INPP4B: variants seen among roughly 807,000 people sequenced by gnomAD.
INPP4B encodes inositol polyphosphate 4-phosphatase type II.
In INPP4B, 55 loss-of-function variants were observed where a neutral mutation model predicts 122.5. The observed-to-expected ratio is 0.45, with a 90% CI of 0.36 to 0.56. The LOEUF (loss-of-function observed/expected upper bound fraction) is 0.56. Among genes scored for constraint, INPP4B ranks in the 20% least tolerant of loss-of-function variants. INPP4B has a pLI of 0.00. For missense variants in INPP4B, 1,000 were observed against 1,097.7 expected (o/e 0.91, Z 1.26); for synonymous variants, 403 against 388.7 (o/e 1.04, Z -0.43).
At chr4:142,365,756 T>C (rs779666205) in intron 7 of INPP4B, among the ~76,000 whole-genome samples, 1 of 135,282 alleles carries the variant, frequency 7.4e-6, no homozygotes, top group Non-Finnish European at 1.6e-5. Context: ...TTAACAAATA[T>C]TAAATTTTTA....
intron 25 of INPP4B, among the ~76,000 whole-genome samples, chr4:142,051,734 C>T (rs984335156): frequency 4.6e-5 from 7 of 151,934 alleles, no homozygotes; most frequent in Middle Eastern, 3.2e-3. Flanking sequence ...ATCCACATAC[C>T]ACAATCGTGA....
intron 25 of INPP4B, among the ~76,000 whole-genome samples, chr4:142,077,322 A>G (rs183607864): frequency 1.5e-3 from 229 of 152,102 alleles, no homozygotes; most frequent in African/African-American, 5.2e-3. Context: ...ATAGTATAAA[A>G]CAAAAGACAA....
intron 5 of INPP4B, among the ~76,000 whole-genome samples, chr4:142,421,358 C>T (rs531771492): frequency 6.6e-6 from 1 of 152,098 alleles, no homozygotes; most frequent in Non-Finnish European, 1.5e-5. Context: ...ATTAGAGGCA[C>T]AGCCTGCCTA....
At chr4:142,552,267 G>A (rs1387591218) in intron 2 of INPP4B, among the ~76,000 whole-genome samples, 2 of 152,160 alleles carry the variant, frequency 1.3e-5, no homozygotes, top group African/African-American at 4.8e-5. Flanking sequence ...CTGAAGGGAA[G>A]ATTCTGATTA....
At position 142,314,755 on chromosome 4, in the gene INPP4B, G is replaced by T; in HGVS notation, c.380C>A (p.Thr127Asn). The T allele has an allele frequency of 6.3e-7, 1 of 1,595,748 alleles. No homozygotes were observed. The highest frequency in any genetic ancestry group is 8.5e-7 in the Non-Finnish European group (1 of 1,173,078). The change falls in exon 8 of 26, where the codon ACC (threonine) becomes AAC (asparagine). Residue 127 changes from threonine (T) to asparagine (N), a missense_variant. Transcript: ENST00000262992. ...VKDKSHDTVR[T>N]SVLPEHKDPP... ...ATCCTTATGTTCTGGTAGGACACTG[G>T]TTCGAACCTGTGGAGAAAAACATTT...
intron 2 of INPP4B, among the ~76,000 whole-genome samples, chr4:142,719,721 T>G (rs2150831640): frequency 6.6e-6 from 1 of 152,270 alleles, no homozygotes; most frequent in South Asian, 2.1e-4. Context: ...AAAATATCAT[T>G]TTTTCTTATT....
chr4:142,201,197 C>A (rs1424002691), intron 14 of INPP4B, among the ~76,000 whole-genome samples: 3 of 152,010 alleles, frequency 2.0e-5, no homozygotes, highest in Admixed American at 2.0e-4. Flanking sequence ...GAATGTTATT[C>A]TCAGAACTGA....
intron 7 of INPP4B, among the ~76,000 whole-genome samples, chr4:142,368,203 C>T (rs1788309748): frequency 6.6e-6 from 1 of 152,072 alleles, no homozygotes; most frequent in Admixed American, 6.6e-5. Context: ...TCAAACTAAC[C>T]TAGTAAAATA....
At chr4:142,781,269 G>C (rs1036601460) in intron 1 of INPP4B, among the ~76,000 whole-genome samples, 2 of 151,982 alleles carry the variant, frequency 1.3e-5, no homozygotes, top group East Asian at 3.9e-4. Context: ...ATCATAAGGG[G>C]ACTTGCACTC....
intron 2 of INPP4B, among the ~76,000 whole-genome samples, chr4:142,650,574 G>C (rs535922154): frequency 1.3e-5 from 2 of 150,514 alleles, no homozygotes; most frequent in East Asian, 3.9e-4. Context: ...TGCAATCCTA[G>C]TCTCTGATGA....
intron 2 of INPP4B, among the ~76,000 whole-genome samples, chr4:142,700,435 A>C (rs1282242252): frequency 6.6e-6 from 1 of 152,152 alleles, no homozygotes; most frequent in East Asian, 1.9e-4. Flanking sequence ...TATTCCTTCA[A>C]CTCAATCTAT....
At chr4:142,202,532 A>T (rs1841084955) in intron 14 of INPP4B, among the ~76,000 whole-genome samples, 1 of 152,064 alleles carries the variant, frequency 6.6e-6, no homozygotes, top group Non-Finnish European at 1.5e-5. Context: ...CACATTCTTG[A>T]GATACAGAAA....
chr4:142,149,349 C>A (rs990462684), intron 17 of INPP4B, among the ~76,000 whole-genome samples: 3 of 152,084 alleles, frequency 2.0e-5, no homozygotes, highest in Admixed American at 2.0e-4. Context: ...ATTTAATGTT[C>A]AAAAGCCACC....
At chr4:142,563,042 G>A (rs968761705) in intron 2 of INPP4B, among the ~76,000 whole-genome samples, 2 of 152,200 alleles carry the variant, frequency 1.3e-5, no homozygotes, top group Non-Finnish European at 2.9e-5. Context: ...AGATGGCTGT[G>A]CCTTTAAAGA....
At chr4:142,057,441 A>G (rs146673362) in intron 25 of INPP4B, among the ~76,000 whole-genome samples, 11 of 152,164 alleles carry the variant, frequency 7.2e-5, no homozygotes, top group African/African-American at 2.4e-4. Context: ...ATGTTCATTT[A>G]TGATTAAAAA....
chr4:142,610,066 C>T (rs1580494359), intron 2 of INPP4B, among the ~76,000 whole-genome samples: 1 of 152,094 alleles, frequency 6.6e-6, no homozygotes, highest in African/African-American at 2.4e-5. Context: ...GCTGTGTCCC[C>T]ACCCAAATCT....
chr4:142,713,179 G>T (rs1460672597), intron 2 of INPP4B, among the ~76,000 whole-genome samples: 2 of 152,198 alleles, frequency 1.3e-5, no homozygotes, highest in African/African-American at 4.8e-5. Context: ...GTTTCTGGCT[G>T]GGTTAACAGG....
At chr4:142,170,207 G>C (rs1472932232) in intron 16 of INPP4B, among the ~76,000 whole-genome samples, 2 of 151,534 alleles carry the variant, frequency 1.3e-5, no homozygotes, top group Non-Finnish European at 3.0e-5. Context: ...CTTGGCTTTT[G>C]TTAGATTCTT....
At chr4:142,576,103 ACCTGGG>A (rs1433372852) in intron 2 of INPP4B, among the ~76,000 whole-genome samples, 6 of 152,002 alleles carry the variant, frequency 3.9e-5, no homozygotes, top group African/African-American at 1.4e-4. Context: ...CTCAATATCT[ACCTGGG>A]GCTGATTCAT....
Sources: gnomAD v4.1 joint callset for allele counts (sites outside exome capture counted in the v4.1 genomes callset) on GRCh38, gnomAD v4.1.1 for gene constraint, MANE v1.5 for transcripts, NCBI Gene and HGNC (gene_info 2026-07-23, HGNC 2026-07-21) for gene names.